The following PM20D2 variants were observed in gnomAD, a reference collection of about 807,000 sequenced individuals.
PM20D2 encodes the protein xaa-Arg dipeptidase.
In PM20D2, 33 loss-of-function variants were observed where a neutral mutation model predicts 42.9. The ratio of observed to expected loss-of-function variants is 0.77; its 90% confidence interval spans 0.58 to 1.03. The LOEUF (loss-of-function observed/expected upper bound fraction) is 1.03, where lower values mean the gene tolerates loss of function less well. Ranked by LOEUF, PM20D2 falls within the 50% of genes least tolerant of loss-of-function variation. The pLI, the probability that PM20D2 is intolerant of heterozygous loss-of-function variation, is 0.00. For synonymous variants in PM20D2, 250 were observed against 228.2 expected (o/e 1.10, Z -0.86); for missense variants, 548 against 557.0 (o/e 0.98, Z 0.16).
the PM20D2 span, among the ~76,000 whole-genome samples, chr6:89,099,403 CAT>C: frequency 1.1e-5 from 1 of 88,330 alleles, no homozygotes; most frequent in Admixed American, 1.0e-4. Flanking sequence ...TCTCTCTCTC[CAT>C]ATATATATAC....
intron 3 of PM20D2, among the ~76,000 whole-genome samples, chr6:89,153,893 T>A (rs9342180): frequency 0.34 from 51,886 of 152,074 alleles, 9,710 homozygotes; most frequent in African/African-American, 0.5. Context: ...TGAGCCACCA[T>A]GCCTGGTCCT....
the PM20D2 span, among the ~76,000 whole-genome samples, chr6:89,132,349 G>A: frequency 6.9e-6 from 1 of 144,926 alleles, no homozygotes; most frequent in African/African-American, 2.9e-5. Context: ...CTCTCCAATA[G>A]GAGGTTCATT....
At chr6:89,150,704 T>G (rs1413076589) in intron 2 of PM20D2, among the ~76,000 whole-genome samples, 2 of 151,460 alleles carry the variant, frequency 1.3e-5, no homozygotes, top group African/African-American at 4.8e-5. Context: ...CACGCCCAGC[T>G]AATTTTCATA....
chr6:89,105,416 G>A, the PM20D2 span: 2 of 1,591,080 alleles, frequency 1.3e-6, no homozygotes, highest in Non-Finnish European at 1.7e-6. Flanking sequence ...CTAGCATTCA[G>A]TCACACTTAC....
chr6:89,156,348 T>C lies in PM20D2; in HGVS notation c.912+1446T>C, dbSNP rs143521865. On this transcript the variant is annotated intron_variant, in intron 4 of 6. Coordinates refer to ENST00000275072, the MANE Select transcript of PM20D2 (RefSeq NM_001010853.3). The stretch of plus-strand genomic sequence containing the variant: ...ATAACTCTCAGCCTAGCTAATTCTG[T>C]AACCTTTAGAAATGTTTAGTGTCTT... 3.7e-3 allele frequency among the ~76,000 whole-genome samples: 563 copies of C among 152,348 alleles called. 7 individuals carry two copies. Among genetic ancestry groups the C allele is most frequent in the African/African-American group, 0.013 (528 of 41,574 alleles).
the PM20D2 span, chr6:89,105,462 T>C: frequency 6.2e-7 from 1 of 1,611,058 alleles, no homozygotes; most frequent in Non-Finnish European, 8.5e-7. Flanking sequence ...TATTTCAATC[T>C]GACGGCCACA....
chr6:89,159,098 C>T (rs564730984), intron 5 of PM20D2, among the ~76,000 whole-genome samples: 5 of 152,160 alleles, frequency 3.3e-5, no homozygotes, highest in African/African-American at 1.2e-4. Context: ...GTATGTTAAA[C>T]TTGAGGTGCT....
chr6:89,111,368 A>G, the PM20D2 span, among the ~76,000 whole-genome samples: 1 of 152,174 alleles, frequency 6.6e-6, no homozygotes, highest in African/African-American at 2.4e-5. Context: ...GGTTCTGCAC[A>G]TTTTTTGTTA....
At chr6:89,161,703 CAG>C (rs2127782645) in intron 5 of PM20D2, 78 bp from the exon 6 acceptor site, 1 of 1,099,290 alleles carries the variant, frequency 9.1e-7, no homozygotes, top group East Asian at 2.4e-5. Context: ...TCTCTTCTAA[CAG>C]GGACTGTGAC....
chr6:89,161,780 A>G lies in PM20D2; in HGVS notation c.1049-3A>G. 6.9e-6 allele frequency: 11 copies of G among 1,597,942 alleles called. No homozygotes were observed. The highest frequency in any genetic ancestry group is 9.4e-6 in the Non-Finnish European group (11 of 1,165,200). On this transcript the variant is annotated splice_region_variant and splice_polypyrimidine_tract_variant and intron_variant, in intron 5 of 6. Coordinates refer to ENST00000275072, the MANE Select transcript of PM20D2 (RefSeq NM_001010853.3). Reference sequence around the variant, plus strand: ...GACTTTTCTTAACTTTGTGTGTTCCAAGGATCTACGGATTTTGGAAATGTT... The same window carrying G: ...GACTTTTCTTAACTTTGTGTGTTCCGAGGATCTACGGATTTTGGAAATGTT...
the PM20D2 span, among the ~76,000 whole-genome samples, chr6:89,101,564 A>G: frequency 6.6e-6 from 1 of 152,128 alleles, no homozygotes; most frequent in African/African-American, 2.4e-5. Context: ...TCTACTAAAA[A>G]TACAAAAATT....
chr6:89,142,501 T>C (rs111881890), upstream of PM20D2, among the ~76,000 whole-genome samples: 1,855 of 152,316 alleles, frequency 0.012, 27 homozygotes, highest in Non-Finnish European at 0.015. Context: ...CCAAGTATTG[T>C]TAAACTGAAA....
At position 89,162,240 on chromosome 6, in the gene PM20D2, C is replaced by G. The variant is rs753615563; in HGVS notation, c.1288C>G (p.Gln430Glu). ...EDFKLKLQEE[Q>E]FVNAVE ...CTTTAAACTGAAACTTCAAGAAGAA[C>G]AGTTTGTAAATGCAGTAGAATAAAA... The change falls in exon 7 of 7, where the codon CAG becomes GAG. Residue 430 changes from glutamine (Q) to glutamate (E), a missense_variant. This residue lies in a region of PM20D2 where 71 missense variants were observed against 69.7 expected (regional missense o/e 1.02). Coordinates refer to ENST00000275072, the MANE Select transcript of PM20D2 (RefSeq NM_001010853.3). The G allele has an allele frequency of 8.1e-6, 13 of 1,613,576 alleles. 1 individual carries two copies. The East Asian group carries it at 2.5e-4, about 30-fold the overall frequency.
At chr6:89,158,183 A>C in intron 4 of PM20D2, 142 bp from the exon 5 acceptor site, 16 of 701,316 alleles carry the variant, frequency 2.3e-5, no homozygotes, top group Non-Finnish European at 3.2e-5. Flanking sequence ...TTTTAAGGTA[A>C]GAGATTTGAG....
chr6:89,153,059 T>C lies in PM20D2; in HGVS notation c.631T>C (p.Tyr211His), dbSNP rs1366077204. 9 of 1,601,242 alleles carry C rather than the reference T, an allele frequency of 5.6e-6. No individual in the cohort carries two copies. The highest frequency in any genetic ancestry group is 3.4e-5 in the Admixed American group (2 of 58,122). ...MAEHDVTVKY[Y>H]GKASHSASYP... ...ATTTCCTAGTGTGACTGTGAAATACTATGGAAAAGCATCTCATTCTGCTTC... is the reference window on the plus strand; with the variant it reads ...ATTTCCTAGTGTGACTGTGAAATACCATGGAAAAGCATCTCATTCTGCTTC... The change falls in exon 3 of 7, where the codon TAT becomes CAT. Residue 211 changes from tyrosine to histidine, a missense_variant. Physicochemically the swap from Tyr to His is moderately conservative, Grantham distance 83. This residue lies in a region of PM20D2 where 470 missense variants were observed against 464.4 expected (regional missense o/e 1.01). Coordinates refer to ENST00000275072, the MANE Select transcript of PM20D2 (RefSeq NM_001010853.3).
the PM20D2 span, among the ~76,000 whole-genome samples, chr6:89,130,718 C>T: frequency 7.4e-4 from 112 of 151,724 alleles, 1 homozygote; most frequent in Admixed American, 7.1e-3. Flanking sequence ...TGTTGGCCTC[C>T]CAAAGTGTTA....
At chr6:89,132,310 T>C in the PM20D2 span, among the ~76,000 whole-genome samples, 4 of 144,920 alleles carry the variant, frequency 2.8e-5, no homozygotes, top group Admixed American at 2.7e-4. Flanking sequence ...TCAAACTTCC[T>C]GTGCTGCCAA....
At chr6:89,104,639 A>G in the PM20D2 span, among the ~76,000 whole-genome samples, 5 of 152,320 alleles carry the variant, frequency 3.3e-5, no homozygotes, top group East Asian at 9.6e-4. Context: ...AATTAATCCC[A>G]TAAACCCAAG....
At chr6:89,126,541 G>A in the PM20D2 span, among the ~76,000 whole-genome samples, 7 of 151,958 alleles carry the variant, frequency 4.6e-5, no homozygotes, top group African/African-American at 1.7e-4. Context: ...AAAATTAGCT[G>A]GGCATGGTGG....
Sources: gnomAD v4.1 joint callset for allele counts (sites outside exome capture counted in the v4.1 genomes callset) on GRCh38, gnomAD v4.1.1 for gene constraint, gnomAD v4.1.1 regional missense constraint, MANE v1.5 for transcripts, NCBI Gene and HGNC (gene_info 2026-07-23, HGNC 2026-07-21) for gene names.